The following ACSM3 variants were observed in gnomAD, a reference collection of about 807,000 sequenced individuals.
ACSM3 encodes acyl-CoA synthetase medium chain family member 3.
A neutral mutation model predicts 74.1 loss-of-function variants in ACSM3; 61 were observed. That is an observed-to-expected ratio of 0.82 (90% CI 0.67 to 1.02). The LOEUF is 1.02. Ranked by LOEUF, ACSM3 falls within the 50% of genes least tolerant of loss-of-function variation. The pLI is 0.00. For synonymous variants in ACSM3, 213 were observed against 241.5 expected, an observed-to-expected ratio of 0.88 and a Z score of 1.09; for missense variants, 660 against 697.0, an observed-to-expected ratio of 0.95 and a Z score of 0.60.
intron 10 of ACSM3, 111 bp from the exon 11 acceptor site, chr16:20,791,891 G>A: frequency 2.3e-6 from 3 of 1,291,252 alleles, no homozygotes; most frequent in South Asian, 2.9e-5. Context: ...TCGTACTACT[G>A]CACTCCAGCC....
At chr16:20,705,077 A>T (rs984853114) in intron 1 of ACSM3, among the ~76,000 whole-genome samples, 1 of 152,220 alleles carries the variant, frequency 6.6e-6, no homozygotes, top group Non-Finnish European at 1.5e-5. Context: ...ACAAAATATA[A>T]ATAACAACTT....
chr16:20,685,412 G>T (rs1220055767), intron 1 of ACSM3: 5 of 1,613,634 alleles, frequency 3.1e-6, no homozygotes, highest in East Asian at 4.5e-5. Context: ...TCCTGGTCAA[G>T]ACCATATATT....
At chr16:20,717,166 C>G (rs539716285) in intron 1 of ACSM3, among the ~76,000 whole-genome samples, 5 of 152,300 alleles carry the variant, frequency 3.3e-5, no homozygotes, top group African/African-American at 1.2e-4. Flanking sequence ...GCACAAAACT[C>G]AAAGGCCATA....
intron 1 of ACSM3, among the ~76,000 whole-genome samples, chr16:20,739,492 C>CT (rs756683881): frequency 2.0e-5 from 3 of 152,004 alleles, no homozygotes; most frequent in East Asian, 3.9e-4. Flanking sequence ...GATAATAAAG[C>CT]TTTTTTTACG....
chr16:20,764,009 T>A (rs2152447730), upstream of ACSM3: 1 of 152,312 alleles, frequency 6.6e-6, no homozygotes, highest in East Asian at 1.9e-4. Flanking sequence ...AGACTGCTCC[T>A]CCCTCTTCTT....
At chr16:20,784,782 C>A (rs1389527519) in intron 7 of ACSM3, among the ~76,000 whole-genome samples, 2 of 151,894 alleles carry the variant, frequency 1.3e-5, no homozygotes, top group Non-Finnish European at 2.9e-5. Flanking sequence ...AATGATTTAT[C>A]TTTTTAATAT....
chr16:20,692,475 A>T (rs539200158), intron 1 of ACSM3, among the ~76,000 whole-genome samples: 1 of 152,296 alleles, frequency 6.6e-6, no homozygotes, highest in East Asian at 1.9e-4. Context: ...AGGTTAAGGT[A>T]AAGCTTTGTG....
chr16:20,758,616 G>C (rs985488702), intron 3 of ACSM3, among the ~76,000 whole-genome samples: 4 of 152,092 alleles, frequency 2.6e-5, no homozygotes, highest in Non-Finnish European at 4.4e-5. Flanking sequence ...AGGGTCTTTT[G>C]TGTCTCTATT....
intron 3 of ACSM3, among the ~76,000 whole-genome samples, chr16:20,758,470 C>A (rs1470579764): frequency 6.6e-6 from 1 of 151,740 alleles, no homozygotes; most frequent in African/African-American, 2.4e-5. Flanking sequence ...TCTGTGGGAT[C>A]GGTGGTGATA....
At chr16:20,728,855 G>A (rs1272007461) in intron 1 of ACSM3, among the ~76,000 whole-genome samples, 1 of 151,882 alleles carries the variant, frequency 6.6e-6, no homozygotes, top group African/African-American at 2.4e-5. Context: ...TACTGTAATT[G>A]CAACATTTTG....
intron 1 of ACSM3, among the ~76,000 whole-genome samples, chr16:20,727,834 CA>C (rs1412214130): frequency 6.6e-6 from 1 of 152,114 alleles, no homozygotes; most frequent in Non-Finnish European, 1.5e-5. Flanking sequence ...GAGTAGTTTT[CA>C]AAGTGACCAG....
intron 1 of ACSM3, chr16:20,736,685 ACGT>A (rs2079872531): frequency 1.7e-5 from 10 of 604,396 alleles, no homozygotes; most frequent in South Asian, 1.1e-4. Context: ...GTCTGCCTCT[ACGT>A]AATACCATAA....
At chr16:20,742,814 T>TATATATATATATATATA (rs1555483507) in intron 1 of ACSM3, among the ~76,000 whole-genome samples, 21 of 51,780 alleles carry the variant, frequency 4.1e-4, no homozygotes, top group South Asian at 1.1e-3. Flanking sequence ...TATATATATA[T>TATATATATATATATATA]TTTTTTTTTT....
Position 20,728,215 on chromosome 16 carries a change from G to A in ACSM3, c.-189-21695G>A, listed in dbSNP as rs1355418685. The A allele has an allele frequency of 1.8e-4, 63 of 353,812 alleles. No homozygotes were observed. The Admixed American group carries it at 2.6e-3, about 15-fold the overall frequency. 21.9% of individuals were successfully genotyped at this position (353,812 alleles called of 1,614,324 possible). ...CAAAAAATTAAACCAGGCTCAATGG[G>A]GAAAGAATGCTTCACTATGATGTCC... On this transcript the variant is annotated intron_variant, in intron 1 of 3. Coordinates refer to the ACSM3 transcript ENST00000561584.
At position 20,792,338 on chromosome 16, in the gene ACSM3, A is replaced by G. The variant is rs1183254353; in HGVS notation, c.1554+3A>G. On this transcript the variant is annotated splice_donor_region_variant and intron_variant, in intron 12 of 13. Coordinates refer to ENST00000289416, the MANE Select transcript of ACSM3 (RefSeq NM_005622.4). The stretch of plus-strand genomic sequence containing the variant: ...GCCCAGACCCCATCAGAGGAGAGGT[A>G]AAAGAACTGATTCATGTCAACTTTA... The G allele has an allele frequency of 1.9e-6, 3 of 1,613,910 alleles. No individual in the cohort carries two copies. In the South Asian group the frequency reaches 3.3e-5, roughly 18 times the overall value.
intron 1 of ACSM3, among the ~76,000 whole-genome samples, chr16:20,744,044 C>T (rs947138269): frequency 2.6e-5 from 4 of 152,154 alleles, no homozygotes; most frequent in African/African-American, 9.7e-5. Flanking sequence ...ACCTGTTGGC[C>T]CACAGTCAAC....
intron 1 of ACSM3, among the ~76,000 whole-genome samples, chr16:20,695,676 CT>C (rs2079686092): frequency 1.4e-5 from 2 of 143,700 alleles, no homozygotes; most frequent in Non-Finnish European, 3.0e-5. Flanking sequence ...TTCTATCTAT[CT>C]ATCATCTATC....
intron 1 of ACSM3, chr16:20,681,233 CAAATGAG>C: frequency 6.6e-6 from 1 of 152,278 alleles, no homozygotes; most frequent in East Asian, 1.9e-4. Context: ...ACAAGCAACA[CAAATGAG>C]AAATGCTATA....
intron 7 of ACSM3, 96 bp downstream of exon 7, chr16:20,781,883 C>A: frequency 2.2e-6 from 2 of 891,598 alleles, no homozygotes; most frequent in African/African-American, 1.7e-5. Flanking sequence ...AGCTCCAAGC[C>A]AGTAGACACA....
Sources: allele counts gnomAD v4.1 joint callset (sites outside exome capture counted in the v4.1 genomes callset), GRCh38; gene constraint gnomAD v4.1.1; transcripts MANE v1.5; gene names NCBI Gene and HGNC (gene_info 2026-07-23, HGNC 2026-07-21).